The following PTPRN2 variants were observed in gnomAD, a reference collection of about 807,000 sequenced individuals.
The protein encoded by PTPRN2 is protein tyrosine phosphatase receptor type N2.
A neutral mutation model predicts 118.8 loss-of-function variants in PTPRN2; 74 were observed. That is an observed-to-expected ratio of 0.62 (90% CI 0.52 to 0.76). The LOEUF is 0.76. Ranked by LOEUF, PTPRN2 falls within the 30% of genes least tolerant of loss-of-function variation. The pLI is 0.00. For synonymous variants in PTPRN2, 641 were observed against 608.0 expected (o/e 1.05, Z -0.80); for missense variants, 1,481 against 1,394.4 (o/e 1.06, Z -0.99).
chr7:158,587,077 C>G (rs1056121723), intron 1 of PTPRN2, among the ~76,000 whole-genome samples: 1 of 151,856 alleles, frequency 6.6e-6, no homozygotes, highest in Non-Finnish European at 1.5e-5. Flanking sequence ...GCTGGAACCC[C>G]GAGACCCCCG....
chr7:157,914,274 A>G (rs1329252043), intron 11 of PTPRN2, among the ~76,000 whole-genome samples: 1 of 152,228 alleles, frequency 6.6e-6, no homozygotes, highest in African/African-American at 2.4e-5. Flanking sequence ...AGATTCTCCA[A>G]CTTCACTGTC....
chr7:157,754,234 C>T (rs887416), intron 12 of PTPRN2, among the ~76,000 whole-genome samples: 14,433 of 152,244 alleles, frequency 0.095, 1,083 homozygotes, highest in African/African-American at 0.21. Flanking sequence ...AGGCTGAGTC[C>T]GTGTGGGGAA....
chr7:158,036,478 G>A (rs1236672613), intron 11 of PTPRN2, among the ~76,000 whole-genome samples: 3 of 152,094 alleles, frequency 2.0e-5, no homozygotes, highest in African/African-American at 4.8e-5. Flanking sequence ...GTATTACTTC[G>A]ATACTAGCAC....
At chr7:158,007,831 G>A (rs1805743360) in intron 11 of PTPRN2, among the ~76,000 whole-genome samples, 1 of 149,210 alleles carries the variant, frequency 6.7e-6, no homozygotes, top group Non-Finnish European at 1.5e-5. Context: ...ATACATGTGG[G>A]GGTGTGTGGG....
intron 22 of PTPRN2, among the ~76,000 whole-genome samples, chr7:157,546,836 C>T (rs972108887): frequency 4.6e-5 from 7 of 152,352 alleles, no homozygotes; most frequent in Middle Eastern, 3.4e-3. Context: ...CTGGGACCAC[C>T]GTTGTGCACC....
chr7:157,615,347 C>G lies in PTPRN2; in HGVS notation c.2344+6015G>C. 2.3e-6 allele frequency: 1 copy of G among 436,648 alleles called. No individual in the cohort carries two copies. The highest frequency in any genetic ancestry group is 4.8e-6 in the Non-Finnish European group (1 of 208,548). The allele number at this position is 436,648 out of a possible 1,614,324, so 27.0% of individuals were successfully genotyped here. On this transcript the variant is annotated intron_variant, in intron 15 of 22. Transcript: ENST00000389418. This position sits in a 1 kb window ranked among gnomAD's most constrained non-coding sequence, Gnocchi z 4.3. The stretch of plus-strand genomic sequence containing the variant: ...GCGCTGGGGTAGTGTAGGCTGCACT[C>G]TCCGGGGAGCCGCTGACCTTGGGCT...
intron 12 of PTPRN2, among the ~76,000 whole-genome samples, chr7:157,856,966 T>C (rs1809751586): frequency 6.6e-6 from 1 of 152,204 alleles, no homozygotes; most frequent in Admixed American, 6.5e-5. Flanking sequence ...TCCAAATTTT[T>C]AGCAGCATCT....
chr7:158,469,032 C>CG (rs1819629006), intron 2 of PTPRN2, among the ~76,000 whole-genome samples: 1 of 152,054 alleles, frequency 6.6e-6, no homozygotes, highest in Non-Finnish European at 1.5e-5. Flanking sequence ...CACACACACT[C>CG]CGGGTGGATC....
intron 12 of PTPRN2, among the ~76,000 whole-genome samples, chr7:157,714,805 G>A (rs564534448): frequency 4.1e-5 from 6 of 147,844 alleles, no homozygotes; most frequent in African/African-American, 1.5e-4. Context: ...TAGGTCTCCC[G>A]CTTTCTGAAG....
intron 2 of PTPRN2, among the ~76,000 whole-genome samples, chr7:158,378,575 A>G (rs1024670595): frequency 6.6e-6 from 1 of 152,110 alleles, no homozygotes; most frequent in African/African-American, 2.4e-5. Context: ...CCCAGTCTTC[A>G]TCCAGTTATG....
chr7:158,191,639 T>C (rs1825773086), intron 5 of PTPRN2, among the ~76,000 whole-genome samples: 1 of 152,208 alleles, frequency 6.6e-6, no homozygotes, highest in African/African-American at 2.4e-5. Flanking sequence ...TAATTCCGTG[T>C]CCTTAAGATG....
At position 158,144,249 on chromosome 7, in the gene PTPRN2, GC is replaced by G. The variant is rs545453231; in HGVS notation, c.911-5735del. Among the ~76,000 whole-genome samples, 511 of 152,242 alleles carry G rather than the reference GC, an allele frequency of 3.4e-3. 4 individuals carry two copies. The highest frequency in any genetic ancestry group is 0.017 in the Middle Eastern group (5 of 294). ...CTGATCCACAAATAAACTTTTCTGA[GC>G]CCCCCAAGGTTTATAAAAATGATGT... On this transcript the variant is annotated intron_variant, in intron 6 of 22. Transcript: ENST00000389418.
intron 3 of PTPRN2, among the ~76,000 whole-genome samples, chr7:158,277,272 C>T (rs1026206119): frequency 9.2e-5 from 14 of 152,190 alleles, no homozygotes; most frequent in South Asian, 2.1e-4. Flanking sequence ...CCAGCCTCCT[C>T]GGGGTCCTGC....
intron 11 of PTPRN2, among the ~76,000 whole-genome samples, chr7:157,910,347 G>A (rs1224171907): frequency 1.3e-5 from 2 of 148,388 alleles, no homozygotes; most frequent in Non-Finnish European, 1.5e-5. Context: ...CCGTGGGAAC[G>A]GGTCCAGGAT....
At chr7:157,736,550 C>A (rs1800309120) in intron 12 of PTPRN2, among the ~76,000 whole-genome samples, 1 of 152,138 alleles carries the variant, frequency 6.6e-6, no homozygotes, top group Admixed American at 6.5e-5. Context: ...CGCCCCCACC[C>A]CCGCCGCCCC....
At chr7:158,071,598 C>CCGTGG (rs1811727574) in intron 11 of PTPRN2, among the ~76,000 whole-genome samples, 3 of 7,450 alleles carry the variant, frequency 4.0e-4, no homozygotes, top group Non-Finnish European at 7.8e-4. Context: ...GGAGGTGCTC[C>CCGTGG]TGGTGGAGGT....
intron 3 of PTPRN2, among the ~76,000 whole-genome samples, chr7:158,265,125 T>C (rs1245052094): frequency 3.9e-5 from 6 of 152,068 alleles, no homozygotes; most frequent in Non-Finnish European, 7.4e-5. Flanking sequence ...TTCGTATGTG[T>C]TCCGCAGGCC....
At chr7:158,429,919 T>G (rs1334785964) in intron 2 of PTPRN2, among the ~76,000 whole-genome samples, 2 of 152,196 alleles carry the variant, frequency 1.3e-5, no homozygotes, top group South Asian at 4.1e-4. Flanking sequence ...CTTTTCTTTT[T>G]TCTTTTGAGA....
chr7:158,132,115 C>T (rs967173008), intron 9 of PTPRN2, among the ~76,000 whole-genome samples: 2 of 124,430 alleles, frequency 1.6e-5, no homozygotes, highest in Non-Finnish European at 1.6e-5. Flanking sequence ...GATACACACA[C>T]CTATCCAACA....
Sources: allele counts gnomAD v4.1 joint callset (sites outside exome capture counted in the v4.1 genomes callset), GRCh38; gene constraint gnomAD v4.1.1; non-coding constraint Gnocchi (gnomAD v3.1); transcripts MANE v1.5; gene names NCBI Gene and HGNC (gene_info 2026-07-23, HGNC 2026-07-21).